The following SRR variants were observed in gnomAD, a reference collection of about 807,000 sequenced individuals.
The protein encoded by SRR is serine racemase.
SRR carries 19 observed loss-of-function variants against 32.7 expected under a neutral mutation model. That is an observed-to-expected ratio of 0.58 (90% confidence interval 0.40 to 0.85). The LOEUF (loss-of-function observed/expected upper bound fraction) is 0.85. Ranked by LOEUF, SRR falls within the 40% of genes least tolerant of loss-of-function variation. The pLI is 0.00. For missense variants in SRR, 373 were observed against 404.7 expected, an observed-to-expected ratio of 0.92 and a Z score of 0.67; for synonymous variants, 142 against 140.9, an observed-to-expected ratio of 1.01 and a Z score of -0.06.
Position 2,324,807 on chromosome 17 carries a change from T to G in SRR, c.*934T>G. ...CTGGATCTACTGACATAAGATGGCC[T>G]GTAGCAATGAGGCTGTGCATTCCTA... On this transcript the variant is annotated 3_prime_UTR_variant, in exon 8 of 8. Coordinates refer to ENST00000344595, the MANE Select transcript of SRR (RefSeq NM_021947.3). 2 of 1,613,772 alleles carry G rather than the reference T, an allele frequency of 1.2e-6. No individual in the cohort carries two copies. Among genetic ancestry groups the G allele is most frequent in the South Asian group, 1.1e-5 (1 of 90,954 alleles).
rs748938438 is a variant in SRR at position 2,320,122 on chromosome 17, C to T, written c.400-1184C>T. On this transcript the variant is annotated intron_variant, in intron 4 of 7. Transcript: ENST00000344595. ...CGTGAGCCACCACGCCTGGCCAGAA[C>T]TTGTCTCTTTTCAAGTCTAAATCCT... Among the ~76,000 whole-genome samples, 87 of 151,060 alleles carry T rather than the reference C, an allele frequency of 5.8e-4. 4 individuals carry two copies. Among genetic ancestry groups the T allele is most frequent in the Non-Finnish European group, 4.1e-4 (28 of 67,724 alleles).
intron 1 of SRR, among the ~76,000 whole-genome samples, chr17:2,308,150 A>C (rs1265931122): frequency 6.6e-6 from 1 of 152,046 alleles, no homozygotes; most frequent in Non-Finnish European, 1.5e-5. Flanking sequence ...TATAATAATG[A>C]AAATATTGCA....
intron 3 of SRR, among the ~76,000 whole-genome samples, chr17:2,318,246 G>A (rs2075494193): frequency 6.6e-6 from 1 of 151,708 alleles, no homozygotes; most frequent in African/African-American, 2.4e-5. Context: ...CCGGGTTCAA[G>A]CGATTCTCCT....
intron 3 of SRR, 142 bp downstream of exon 3, chr17:2,318,138 T>G (rs878904494): frequency 5.9e-6 from 6 of 1,016,796 alleles, no homozygotes; most frequent in Admixed American, 6.6e-5. Flanking sequence ...GAACATAAGT[T>G]TTTTTTTTGT....
At chr17:2,320,777 G>A (rs578094628) in intron 4 of SRR, among the ~76,000 whole-genome samples, 2 of 152,086 alleles carry the variant, frequency 1.3e-5, no homozygotes, top group Non-Finnish European at 2.9e-5. Flanking sequence ...GGCAAGGCTG[G>A]TCTTGAACTC....
At chr17:2,314,569 C>CGA (rs987680353) in intron 1 of SRR, among the ~76,000 whole-genome samples, 5 of 121,992 alleles carry the variant, frequency 4.1e-5, no homozygotes, top group African/African-American at 1.6e-4. Context: ...GGTGACAGAG[C>CGA]GAGACTCTGT....
Position 2,324,341 on chromosome 17 carries a change from C to T in SRR, c.*468C>T, listed in dbSNP as rs916010789. On this transcript the variant is annotated 3_prime_UTR_variant, in exon 8 of 8. Transcript: ENST00000344595. ...TACTGTGTCTTGAGATTTTAGCTTC[C>T]CATCAAAGCTGCATTTCATGTGGCC... 1 of 1,561,676 alleles carries T rather than the reference C, an allele frequency of 6.4e-7. No individual in the cohort carries two copies. Among genetic ancestry groups the T allele is most frequent in the Non-Finnish European group, 8.6e-7 (1 of 1,157,894 alleles).
chr17:2,320,164 T>G lies in SRR; in HGVS notation c.400-1142T>G, dbSNP rs557191649. Among the ~76,000 whole-genome samples the G allele has an allele frequency of 1.1e-4, 17 of 151,258 alleles. No individual in the cohort carries two copies. The South Asian group carries it at 3.6e-3, about 32-fold the overall frequency. ...CTAAATCCTCTGTTGGTTTCCCATCTCATACACGGTGGAAACGAGAGTTCT... is the reference window on the plus strand; with the variant it reads ...CTAAATCCTCTGTTGGTTTCCCATCGCATACACGGTGGAAACGAGAGTTCT... On this transcript the variant is annotated intron_variant, in intron 4 of 7. Coordinates refer to ENST00000344595, the MANE Select transcript of SRR (RefSeq NM_021947.3).
chr17:2,303,866 G>T, upstream of SRR: 1 of 635,636 alleles, frequency 1.6e-6, no homozygotes, highest in Non-Finnish European at 2.5e-6. Context: ...GACGGTGGCC[G>T]CGCTGGGAGG....
chr17:2,318,783 T>C lies in SRR; in HGVS notation c.296-43T>C, dbSNP rs754686237. 4.7e-6 allele frequency: 7 copies of C among 1,493,846 alleles called. No individual in the cohort carries two copies. The Admixed American group carries it at 1.2e-4, about 25-fold the overall frequency. 92.5% of individuals were successfully genotyped at this position (1,493,846 alleles called of 1,614,324 possible). On this transcript the variant is annotated intron_variant, in intron 3 of 7. Transcript: ENST00000344595. ...CCGTGCCTGGCCACATAAGTTTCTA[T>C]TCTAAATTCTCCTGACTTTTTCCTC...
chr17:2,311,373 CGCCT>C (rs1388876195), intron 1 of SRR, among the ~76,000 whole-genome samples: 1 of 151,976 alleles, frequency 6.6e-6, no homozygotes, highest in Non-Finnish European at 1.5e-5. Context: ...TGGTGGCTCA[CGCCT>C]GTAATCCCAG....
Position 2,303,975 on chromosome 17 carries a change from C to G in SRR, c.-47C>G. 1 of 356,106 alleles carries G rather than the reference C, an allele frequency of 2.8e-6. No individual in the cohort carries two copies. Among genetic ancestry groups the G allele is most frequent in the East Asian group, 4.9e-5 (1 of 20,608 alleles). The allele number at this position is 356,106 out of a possible 1,614,324, so 22.1% of individuals were successfully genotyped here. ...GTGCGCAGAGGTGCGGCCGGGGAGG[C>G]GCGCGGAGGCTGGAGCTGGAGGCGC... On this transcript the variant is annotated 5_prime_UTR_variant, in exon 1 of 8. Coordinates refer to ENST00000344595, the MANE Select transcript of SRR (RefSeq NM_021947.3).
intron 1 of SRR, among the ~76,000 whole-genome samples, chr17:2,310,272 A>C (rs1176231381): frequency 6.6e-6 from 1 of 152,200 alleles, no homozygotes; most frequent in African/African-American, 2.4e-5. Context: ...GTCTACATGT[A>C]GGAATGGAAT....
At chr17:2,311,026 G>A (rs1225274641) in intron 1 of SRR, among the ~76,000 whole-genome samples, 5 of 150,936 alleles carry the variant, frequency 3.3e-5, no homozygotes, top group Non-Finnish European at 7.4e-5. Flanking sequence ...GATTACAGGC[G>A]TGACCCACCA....
At position 2,325,093 on chromosome 17, in the gene SRR, C is replaced by T; in HGVS notation, c.*1220C>T. 1 of 590,344 alleles carries T rather than the reference C, an allele frequency of 1.7e-6. No homozygotes were observed. Among genetic ancestry groups the T allele is most frequent in the Non-Finnish European group, 2.9e-6 (1 of 345,242 alleles). 36.6% of individuals were successfully genotyped at this position (590,344 alleles called of 1,614,324 possible). ...CAAGGAAAGGATGTTGAACAAAAGG[C>T]AGTTATTTGAGGACTGGCTATACAC... On this transcript the variant is annotated 3_prime_UTR_variant, in exon 8 of 8. Coordinates refer to ENST00000344595, the MANE Select transcript of SRR (RefSeq NM_021947.3).
chr17:2,314,910 T>G (rs2075460764), intron 1 of SRR, among the ~76,000 whole-genome samples: 1 of 151,550 alleles, frequency 6.6e-6, no homozygotes, highest in African/African-American at 2.4e-5. Context: ...AATATAAAAA[T>G]TGAATCCAAT....
At chr17:2,309,764 C>A (rs2075420398) in intron 1 of SRR, 1 of 152,196 alleles carries the variant, frequency 6.6e-6, no homozygotes, top group South Asian at 2.1e-4. Context: ...CTATTGCACA[C>A]TGTTATCTTC....
At chr17:2,308,568 A>T (rs1360056769) in intron 1 of SRR, among the ~76,000 whole-genome samples, 1 of 152,200 alleles carries the variant, frequency 6.6e-6, no homozygotes, top group Non-Finnish European at 1.5e-5. Flanking sequence ...TTTTTAAAGA[A>T]AAATTTTTGG....
intron 1 of SRR, among the ~76,000 whole-genome samples, chr17:2,305,906 C>T (rs1274253303): frequency 6.6e-6 from 1 of 151,696 alleles, no homozygotes; most frequent in Admixed American, 6.6e-5. Context: ...ACCATGTTGA[C>T]CAGTCTGGTC....
Sources: allele counts gnomAD v4.1 joint callset (sites outside exome capture counted in the v4.1 genomes callset), GRCh38; gene constraint gnomAD v4.1.1; transcripts MANE v1.5; gene names NCBI Gene and HGNC (gene_info 2026-07-23, HGNC 2026-07-21).